MAD1L1: variants seen among roughly 807,000 people sequenced by gnomAD.
MAD1L1 encodes the protein mitotic arrest deficient 1 like 1.
Under a neutral mutation model 96.9 loss-of-function variants are expected in MAD1L1, and 95 were observed. The ratio of observed to expected loss-of-function variants is 0.98; its 90% CI spans 0.83 to 1.16. The LOEUF (loss-of-function observed/expected upper bound fraction) is 1.16. MAD1L1 is among the 50% of genes most tolerant of loss of function. MAD1L1 has a pLI of 0.00. For synonymous variants in MAD1L1, 473 were observed against 396.6 expected, an observed-to-expected ratio of 1.19 and a Z score of -2.29; for missense variants, 1,007 against 954.4, an observed-to-expected ratio of 1.06 and a Z score of -0.73.
rs1780268283 is a variant in MAD1L1 at position 1,968,459 on chromosome 7, C to G, written c.1506-10740G>C. ...CCGTCAACGCCAGCAGTCATGTCCA[C>G]CATCAATGCCTCAGTCCAGCGGTCA... On this transcript the variant is annotated intron_variant, in intron 15 of 18. Coordinates refer to ENST00000265854, the MANE Select transcript of MAD1L1 (RefSeq NM_001013836.2). The surrounding 1 kb of genome is among the most constrained non-coding windows in gnomAD (Gnocchi z 5.6). Among the ~76,000 whole-genome samples, 1 of 150,876 alleles carries G rather than the reference C, an allele frequency of 6.6e-6. No individual in the cohort carries two copies. Among genetic ancestry groups the G allele is most frequent in the African/African-American group, 2.4e-5 (1 of 40,900 alleles).
intron 5 of MAD1L1, among the ~76,000 whole-genome samples, chr7:2,221,958 G>A (rs576401022): frequency 6.6e-6 from 1 of 152,096 alleles, no homozygotes; most frequent in Non-Finnish European, 1.5e-5. Flanking sequence ...CTGAGGGAAG[G>A]GCTACCTGTC....
At chr7:2,207,053 G>C (rs929017023) in intron 10 of MAD1L1, among the ~76,000 whole-genome samples, 3 of 151,026 alleles carry the variant, frequency 2.0e-5, no homozygotes, top group Non-Finnish European at 4.4e-5. Context: ...ACTCCAGCCT[G>C]GGCGACAGAG....
At chr7:2,069,439 A>C in intron 11 of MAD1L1, 101 bp from the exon 12 acceptor site, 1 of 1,185,176 alleles carries the variant, frequency 8.4e-7, no homozygotes, top group Non-Finnish European at 1.1e-6. Context: ...ACATCCTAAA[A>C]TAGAGCTGCA....
intron 18 of MAD1L1, among the ~76,000 whole-genome samples, chr7:1,869,070 A>G (rs948005210): frequency 2.6e-5 from 4 of 152,174 alleles, no homozygotes; most frequent in African/African-American, 7.2e-5. Context: ...CAACTGGTCC[A>G]GGCCACACGT....
chr7:2,109,668 A>G (rs1024141090), intron 11 of MAD1L1: 1 of 152,230 alleles, frequency 6.6e-6, no homozygotes, highest in Non-Finnish European at 1.5e-5. Flanking sequence ...GTGGGTCTAA[A>G]TAGTTTTAAA....
chr7:2,144,366 G>T (rs1010615000), intron 11 of MAD1L1, among the ~76,000 whole-genome samples: 18 of 152,190 alleles, frequency 1.2e-4, no homozygotes, highest in African/African-American at 3.6e-4. Context: ...CTGAACCCTG[G>T]AGCCCTCACG....
chr7:1,907,093 C>T (rs1787683060), intron 17 of MAD1L1, among the ~76,000 whole-genome samples: 2 of 152,136 alleles, frequency 1.3e-5, no homozygotes, highest in Non-Finnish European at 2.9e-5. Flanking sequence ...CCTCCAGGGG[C>T]TTCAGCCTGC....
intron 11 of MAD1L1, among the ~76,000 whole-genome samples, chr7:2,070,157 G>C (rs1276445997): frequency 6.6e-6 from 1 of 152,228 alleles, no homozygotes; most frequent in African/African-American, 2.4e-5. Flanking sequence ...CAGGGGTTTG[G>C]ATCTTGCCCC....
chr7:2,169,766 T>C (rs2159782), intron 10 of MAD1L1, among the ~76,000 whole-genome samples: 4,643 of 115,760 alleles, frequency 0.04, 233 homozygotes, highest in African/African-American at 0.22. Flanking sequence ...AAAGGCCCAC[T>C]GGGGGCACTC....
At chr7:1,957,233 A>T (rs1162768714) in intron 16 of MAD1L1, among the ~76,000 whole-genome samples, 1 of 152,258 alleles carries the variant, frequency 6.6e-6, no homozygotes, top group Non-Finnish European at 1.5e-5. Flanking sequence ...CCTGTCCAAA[A>T]ACCCGGTAAC....
chr7:2,158,509 G>A (rs1789949122), intron 10 of MAD1L1, among the ~76,000 whole-genome samples: 1 of 152,228 alleles, frequency 6.6e-6, no homozygotes. Flanking sequence ...CCTGCGGAAG[G>A]CAGGGAACAC....
intron 18 of MAD1L1, among the ~76,000 whole-genome samples, chr7:1,827,566 CCGGG>C (rs1782477265): frequency 9.9e-6 from 1 of 101,046 alleles, no homozygotes; most frequent in African/African-American, 3.3e-5. Flanking sequence ...TGAGCCCGTC[CCGGG>C]TGTGGCATCC....
intron 18 of MAD1L1, among the ~76,000 whole-genome samples, chr7:1,889,554 C>T (rs1254737679): frequency 6.7e-6 from 1 of 148,846 alleles, no homozygotes; most frequent in African/African-American, 2.4e-5. Flanking sequence ...ATGCTCTCCC[C>T]AAGTGGAGCT....
chr7:2,114,673 GTT>G lies in MAD1L1; in HGVS notation c.1073+34477_1073+34478del, dbSNP rs1251876225. Among the ~76,000 whole-genome samples the G allele has an allele frequency of 2.6e-5, 4 of 152,138 alleles. No homozygotes were observed. Among genetic ancestry groups the G allele is most frequent in the Admixed American group, 2.0e-4 (3 of 15,286 alleles). On this transcript the variant is annotated intron_variant, in intron 11 of 18. Coordinates refer to ENST00000265854, the MANE Select transcript of MAD1L1 (RefSeq NM_001013836.2). The surrounding 1 kb of genome is among the most constrained non-coding windows in gnomAD (Gnocchi z 4.2). ...CAGCCTGTTTTTGTAAACAACTTTT[GTT>G]TTTTTAACAAAGTTTTGATGGAGCA...
intron 17 of MAD1L1, among the ~76,000 whole-genome samples, chr7:1,932,500 T>TG (rs900125647): frequency 5.1e-4 from 78 of 152,352 alleles, no homozygotes; most frequent in African/African-American, 1.7e-3. Context: ...GATGTGGGGC[T>TG]GGGGGGCTAT....
chr7:2,027,313 G>T (rs375536173), intron 12 of MAD1L1, among the ~76,000 whole-genome samples: 1 of 152,074 alleles, frequency 6.6e-6, no homozygotes, highest in Non-Finnish European at 1.5e-5. Context: ...CTTATAAAAC[G>T]ATTACAGAAA....
intron 4 of MAD1L1, chr7:2,223,369 C>T (rs1458431536): frequency 6.6e-6 from 1 of 152,302 alleles, no homozygotes; most frequent in Non-Finnish European, 1.5e-5. Context: ...TGACCAAGCA[C>T]CACGCTCAGA....
chr7:2,139,689 G>A (rs1788930175), intron 11 of MAD1L1, among the ~76,000 whole-genome samples: 1 of 152,194 alleles, frequency 6.6e-6, no homozygotes, highest in African/African-American at 2.4e-5. Context: ...CAAGGCTGAT[G>A]GGGGAGGAAG....
chr7:2,000,640 T>C (rs1781752532), intron 14 of MAD1L1, among the ~76,000 whole-genome samples: 1 of 152,140 alleles, frequency 6.6e-6, no homozygotes, highest in South Asian at 2.1e-4. Context: ...GGAAGTTCTG[T>C]CTTTCACTCT....
Sources: allele counts gnomAD v4.1 joint callset (sites outside exome capture counted in the v4.1 genomes callset), GRCh38; gene constraint gnomAD v4.1.1; non-coding constraint Gnocchi (gnomAD v3.1); transcripts MANE v1.5; gene names NCBI Gene and HGNC (gene_info 2026-07-23, HGNC 2026-07-21).